CNTN5: variants seen among roughly 807,000 people sequenced by gnomAD.
CNTN5 encodes the protein contactin-5.
A neutral mutation model predicts 129.1 loss-of-function variants in CNTN5; 77 were observed. That is an observed-to-expected ratio of 0.60 (90% CI 0.50 to 0.72). The LOEUF is 0.72. Ranked by LOEUF, CNTN5 falls within the 30% of genes least tolerant of loss-of-function variation. The probability of loss-of-function intolerance (pLI) is 0.00; values close to 1 mark genes in which losing one functional copy is unlikely to be tolerated. For synonymous variants in CNTN5, 509 were observed against 465.6 expected (o/e 1.09, Z -1.20); for missense variants, 1,478 against 1,328.8 (o/e 1.11, Z -1.75).
chr11:99,284,497 TTTC>T (rs1157367850), intron 1 of CNTN5, among the ~76,000 whole-genome samples: 2 of 152,058 alleles, frequency 1.3e-5, no homozygotes, highest in African/African-American at 4.8e-5. Context: ...TGTGACATAT[TTTC>T]TTATTTACCT....
intron 3 of CNTN5, among the ~76,000 whole-genome samples, chr11:99,713,422 C>A (rs1023715074): frequency 1.3e-5 from 2 of 151,940 alleles, no homozygotes; most frequent in Non-Finnish European, 2.9e-5. Context: ...TTTCTAAATA[C>A]ACAATCACGT....
At chr11:100,168,787 TC>T (rs1947732739) in intron 13 of CNTN5, among the ~76,000 whole-genome samples, 1 of 151,984 alleles carries the variant, frequency 6.6e-6, no homozygotes, top group Admixed American at 6.6e-5. Flanking sequence ...AGATAGTAAT[TC>T]CTCTGATGGA....
At chr11:99,293,360 T>A (rs989637807) in intron 1 of CNTN5, among the ~76,000 whole-genome samples, 2 of 152,188 alleles carry the variant, frequency 1.3e-5, no homozygotes, top group African/African-American at 2.4e-5. Context: ...TTTGCATCTA[T>A]CTTCGTCAGG....
chr11:99,245,987 G>A (rs1861794846), intron 1 of CNTN5, among the ~76,000 whole-genome samples: 1 of 152,076 alleles, frequency 6.6e-6, no homozygotes, highest in Admixed American at 6.6e-5. Context: ...ATGGGACTAT[G>A]TTGTTTCCTT....
intron 3 of CNTN5, among the ~76,000 whole-genome samples, chr11:99,778,347 A>T (rs1332294531): frequency 2.0e-5 from 3 of 151,792 alleles, no homozygotes. Flanking sequence ...ACATCACCTT[A>T]CTCTAAAACC....
intron 2 of CNTN5, among the ~76,000 whole-genome samples, chr11:99,452,615 G>T (rs148025808): frequency 0.016 from 2,398 of 151,962 alleles, 74 homozygotes; most frequent in African/African-American, 0.055. Context: ...CTTGTGATCT[G>T]CCCGCCCTTG....
chr11:100,064,000 G>A (rs1034584649), intron 10 of CNTN5, among the ~76,000 whole-genome samples: 2 of 152,190 alleles, frequency 1.3e-5, no homozygotes, highest in Admixed American at 1.3e-4. Flanking sequence ...TCTGTAAAGT[G>A]TAGATAGGAT....
intron 6 of CNTN5, among the ~76,000 whole-genome samples, chr11:99,867,519 G>C (rs1223916570): frequency 6.6e-6 from 1 of 152,142 alleles, no homozygotes; most frequent in East Asian, 1.9e-4. Flanking sequence ...GAAAATCAAT[G>C]TTCTTAGATT....
intron 2 of CNTN5, among the ~76,000 whole-genome samples, chr11:99,540,598 G>A (rs1948068373): frequency 6.6e-6 from 1 of 152,166 alleles, no homozygotes; most frequent in Admixed American, 6.5e-5. Context: ...TCAAAGGCAT[G>A]AGACTTAAAA....
chr11:99,838,976 C>T (rs1403986780), intron 4 of CNTN5, among the ~76,000 whole-genome samples: 5 of 152,030 alleles, frequency 3.3e-5, no homozygotes, highest in African/African-American at 1.2e-4. Flanking sequence ...AAGTTGTGGA[C>T]ATATCTTTTA....
intron 13 of CNTN5, among the ~76,000 whole-genome samples, chr11:100,101,570 T>C (rs1945225710): frequency 6.6e-6 from 1 of 152,056 alleles, no homozygotes; most frequent in Admixed American, 6.6e-5. Flanking sequence ...AATTCCAATG[T>C]ATTCTTTTTT....
chr11:99,668,483 C>T (rs1463715926), intron 3 of CNTN5, among the ~76,000 whole-genome samples: 2 of 152,118 alleles, frequency 1.3e-5, no homozygotes, highest in African/African-American at 4.8e-5. Context: ...GAAAGGACCA[C>T]AGCTTAAGAA....
At chr11:99,808,591 A>G (rs929427782) in intron 3 of CNTN5, among the ~76,000 whole-genome samples, 3 of 152,202 alleles carry the variant, frequency 2.0e-5, no homozygotes, top group African/African-American at 2.4e-5. Context: ...AAAAATTGCC[A>G]TAGAAAAAAA....
chr11:99,881,759 C>G (rs1948778330), intron 6 of CNTN5, among the ~76,000 whole-genome samples: 1 of 152,274 alleles, frequency 6.6e-6, no homozygotes, highest in East Asian at 1.9e-4. Context: ...TCGGTCATTA[C>G]TATGATTTGT....
At chr11:99,068,093 G>A (rs1359870101) in intron 1 of CNTN5, among the ~76,000 whole-genome samples, 2 of 152,066 alleles carry the variant, frequency 1.3e-5, no homozygotes, top group African/African-American at 4.8e-5. Context: ...AACTTCCTGT[G>A]GCTTCCCCAG....
chr11:99,939,964 C>G (rs1950398346), intron 7 of CNTN5, among the ~76,000 whole-genome samples: 1 of 152,118 alleles, frequency 6.6e-6, no homozygotes, highest in South Asian at 2.1e-4. Context: ...CCAAATAACC[C>G]AAATGGTTGG....
At chr11:99,863,642 T>G (rs56397817) in intron 6 of CNTN5, among the ~76,000 whole-genome samples, 5,882 of 152,234 alleles carry the variant, frequency 0.039, 194 homozygotes, top group East Asian at 0.16. Flanking sequence ...AGGCCTACCT[T>G]TAGAAATTAG....
intron 3 of CNTN5, among the ~76,000 whole-genome samples, chr11:99,597,524 A>T (rs796274759): frequency 0.011 from 1,668 of 152,202 alleles, 44 homozygotes; most frequent in East Asian, 0.098. Flanking sequence ...GAAAAAAAAA[A>T]ATATAGGTTG....
At chr11:99,323,259 C>A (rs1248056752) in intron 1 of CNTN5, among the ~76,000 whole-genome samples, 1 of 152,092 alleles carries the variant, frequency 6.6e-6, no homozygotes, top group African/African-American at 2.4e-5. Context: ...ATGGTAGAAA[C>A]TTAAAGAAGT....
Sources: gnomAD v4.1 joint callset for allele counts (sites outside exome capture counted in the v4.1 genomes callset) on GRCh38, gnomAD v4.1.1 for gene constraint, MANE v1.5 for transcripts, NCBI Gene and HGNC (gene_info 2026-07-23, HGNC 2026-07-21) for gene names.